DENND1A: variants seen among roughly 807,000 people sequenced by gnomAD.
DENND1A encodes the protein DENN domain-containing protein 1A.
DENND1A carries 51 observed loss-of-function variants against 113.7 expected under a neutral mutation model. The ratio of observed to expected loss-of-function variants is 0.45; its 90% CI spans 0.36 to 0.57. DENND1A has a LOEUF of 0.57. Ranked by LOEUF, DENND1A falls within the 20% of genes least tolerant of loss-of-function variation. The pLI is 0.00. For missense variants in DENND1A, 1,258 were observed against 1,395.9 expected (o/e 0.90, Z 1.57); for synonymous variants, 565 against 570.8 (o/e 0.99, Z 0.14).
intron 13 of DENND1A, among the ~76,000 whole-genome samples, chr9:123,515,899 T>C (rs2053851728): frequency 6.6e-6 from 1 of 151,906 alleles, no homozygotes. Flanking sequence ...AAACCCTGTC[T>C]TTACAAAAAA....
At chr9:123,878,342 T>C (rs1847824236) in intron 2 of DENND1A, among the ~76,000 whole-genome samples, 1 of 143,998 alleles carries the variant, frequency 6.9e-6, no homozygotes, top group Non-Finnish European at 1.5e-5. Flanking sequence ...TTTTTCTCAT[T>C]AACCAAGAAA....
At chr9:123,613,988 AC>A (rs1258241155) in intron 10 of DENND1A, among the ~76,000 whole-genome samples, 3 of 152,198 alleles carry the variant, frequency 2.0e-5, no homozygotes, top group African/African-American at 7.2e-5. Context: ...CAACAGAATA[AC>A]CTTTACCTGG....
At chr9:123,565,984 T>C (rs1017215600) in intron 12 of DENND1A, among the ~76,000 whole-genome samples, 1 of 152,314 alleles carries the variant, frequency 6.6e-6, no homozygotes, top group Non-Finnish European at 1.5e-5. Flanking sequence ...CAGTATTGTA[T>C]TAAAATTTCA....
chr9:123,796,516 GAT>G (rs1403841585), intron 2 of DENND1A, among the ~76,000 whole-genome samples: 2 of 152,022 alleles, frequency 1.3e-5, no homozygotes, highest in African/African-American at 4.8e-5. Flanking sequence ...AAATCTTTAA[GAT>G]ATACCAGATT....
At chr9:123,774,614 A>G (rs906592875) in intron 3 of DENND1A, among the ~76,000 whole-genome samples, 1 of 152,148 alleles carries the variant, frequency 6.6e-6, no homozygotes, top group African/African-American at 2.4e-5. Context: ...GCCTTTCAAC[A>G]CCCAAACATA....
chr9:123,571,699 C>G (rs1242971667), intron 12 of DENND1A, among the ~76,000 whole-genome samples: 1 of 152,140 alleles, frequency 6.6e-6, no homozygotes, highest in African/African-American at 2.4e-5. Context: ...TATCCATCTA[C>G]CATTTGATAG....
At chr9:123,414,857 C>T (rs1042950841) in intron 19 of DENND1A, among the ~76,000 whole-genome samples, 2 of 152,334 alleles carry the variant, frequency 1.3e-5, no homozygotes, top group Non-Finnish European at 2.9e-5. Flanking sequence ...CTGTCGTTAT[C>T]AGCTCACTCA....
At chr9:123,531,795 A>G (rs899309658) in intron 13 of DENND1A, among the ~76,000 whole-genome samples, 1 of 152,204 alleles carries the variant, frequency 6.6e-6, no homozygotes, top group Non-Finnish European at 1.5e-5. Context: ...TTTTACACAT[A>G]GCAAATGGTT....
rs528695706 is a variant in DENND1A, at chr9:123,689,438, T to G, written c.303-12649A>C. ...AACGAAGGGCAGAAAAATGTACGCA[T>G]GAATCATTTTTACTATGTTTTTACC... is the stretch of plus-strand genomic sequence containing the variant. On this transcript the variant is annotated intron_variant, in intron 5 of 23. Transcript: ENST00000394215. Among the ~76,000 whole-genome samples the G allele has an allele frequency of 9.1e-4, 139 of 152,338 alleles. 1 individual carries two copies. The highest frequency in any genetic ancestry group is 3.2e-4 in the Non-Finnish European group (22 of 68,032).
chr9:123,733,042 C>T lies in DENND1A; in HGVS notation c.302+24661G>A, dbSNP rs111695823. Reference sequence around the variant, plus strand: ...TGTTGCCCAGGCTGGAGTGCAATGGCGCGATCTCGGCTCACCGCAACCTCT... The same window carrying T: ...TGTTGCCCAGGCTGGAGTGCAATGGTGCGATCTCGGCTCACCGCAACCTCT... On this transcript the variant is annotated intron_variant, in intron 5 of 23. Coordinates refer to ENST00000394215, the MANE Select transcript of DENND1A (RefSeq NM_001352964.2). Among the ~76,000 whole-genome samples, 85 of 147,898 alleles carry T rather than the reference C, an allele frequency of 5.7e-4. 1 individual carries two copies. The highest frequency in any genetic ancestry group is 2.0e-3 in the African/African-American group (78 of 39,984).
At chr9:123,467,042 C>T (rs73575565) in intron 13 of DENND1A, among the ~76,000 whole-genome samples, 4,738 of 152,064 alleles carry the variant, frequency 0.031, 254 homozygotes, top group African/African-American at 0.11. Context: ...CAGAGCAAGA[C>T]GTCTCAGGAA....
chr9:123,602,145 G>C (rs920322839), intron 11 of DENND1A, among the ~76,000 whole-genome samples: 1 of 152,228 alleles, frequency 6.6e-6, no homozygotes, highest in African/African-American at 2.4e-5. Context: ...AACATCTGCA[G>C]ATGCTCAAGT....
intron 2 of DENND1A, among the ~76,000 whole-genome samples, chr9:123,799,934 TAAGC>T (rs1564293488): frequency 6.6e-6 from 1 of 152,226 alleles, no homozygotes; most frequent in African/African-American, 2.4e-5. Flanking sequence ...AATGGAGAAA[TAAGC>T]AAGCACTATA....
chr9:123,489,272 G>A (rs1272092728), intron 13 of DENND1A, among the ~76,000 whole-genome samples: 5 of 152,180 alleles, frequency 3.3e-5, no homozygotes, highest in African/African-American at 7.2e-5. Context: ...GGAGAGTAAG[G>A]GAGAGAGAGT....
Position 123,403,410 on chromosome 9 carries a change from G to T in DENND1A, c.1623C>A (p.Ser541Arg). Residue 541 changes from serine to arginine, a missense_variant, in exon 21 of 24, where the codon AGC (serine) becomes AGA (arginine). Ser to Arg is a moderately radical substitution (Grantham distance 110, BLOSUM62 -1). Around this residue, in one of 2 missense-constraint regions of DENND1A, gnomAD observed 1,159 missense variants for 1,231.7 expected, o/e 0.94. Coordinates refer to ENST00000394215, the MANE Select transcript of DENND1A (RefSeq NM_001352964.2). ...AVEGRRTSVP[S>R]PEHLVKPLRH... ...AGAGGCACAATACTCACTGCTCAGG[G>T]CTCGGCACAGACGTCCTCCGGCCTT... 6.2e-7 allele frequency: 1 copy of T among 1,614,086 alleles called. No individual in the cohort carries two copies. Among genetic ancestry groups the T allele is most frequent in the Non-Finnish European group, 8.5e-7 (1 of 1,180,000 alleles).
chr9:123,526,188 T>C (rs1338066772), intron 13 of DENND1A, among the ~76,000 whole-genome samples: 1 of 132,388 alleles, frequency 7.6e-6, no homozygotes, highest in Non-Finnish European at 1.7e-5. Context: ...CACACACACA[T>C]ATGCGTACAC....
chr9:123,442,703 T>C (rs1194747368), intron 18 of DENND1A, among the ~76,000 whole-genome samples: 3 of 152,224 alleles, frequency 2.0e-5, no homozygotes, highest in Non-Finnish European at 4.4e-5. Context: ...ATTCATGTAG[T>C]AGTTTTGGAA....
chr9:123,418,937 C>G (rs1242794586), intron 19 of DENND1A, among the ~76,000 whole-genome samples: 1 of 152,230 alleles, frequency 6.6e-6, no homozygotes, highest in African/African-American at 2.4e-5. Context: ...GGGATGGACC[C>G]GTGGATTCAC....
chr9:123,559,711 A>C (rs2057626658), intron 12 of DENND1A, among the ~76,000 whole-genome samples: 1 of 152,236 alleles, frequency 6.6e-6, no homozygotes, highest in Non-Finnish European at 1.5e-5. Context: ...ATTCATTTAA[A>C]GTACACAGTT....
Sources: gnomAD v4.1 joint callset for allele counts (sites outside exome capture counted in the v4.1 genomes callset) on GRCh38, gnomAD v4.1.1 for gene constraint, gnomAD v4.1.1 regional missense constraint, MANE v1.5 for transcripts, NCBI Gene and HGNC (gene_info 2026-07-23, HGNC 2026-07-21) for gene names.